The following HS2ST1 variants were observed in gnomAD, a reference collection of about 807,000 sequenced individuals.
HS2ST1 encodes heparan sulfate 2-O-sulfotransferase 1.
A neutral mutation model predicts 42.9 loss-of-function variants in HS2ST1; 18 were observed. That is an observed-to-expected ratio of 0.42 (90% CI 0.29 to 0.62). The LOEUF (loss-of-function observed/expected upper bound fraction) is 0.62. HS2ST1 is among the 20% of genes least tolerant of loss of function. HS2ST1 has a pLI of 0.21. For missense variants in HS2ST1, 334 were observed against 433.8 expected (o/e 0.77, Z 2.04); for synonymous variants, 146 against 152.9 (o/e 0.95, Z 0.33).
chr1:87,054,723 T>A (rs1165039100), intron 1 of HS2ST1, among the ~76,000 whole-genome samples: 1 of 152,208 alleles, frequency 6.6e-6, no homozygotes, highest in Non-Finnish European at 1.5e-5. Flanking sequence ...TAAGAAATGG[T>A]TGTGCTTTCT....
chr1:87,030,339 A>G (rs1224672786), intron 1 of HS2ST1, among the ~76,000 whole-genome samples: 1 of 152,198 alleles, frequency 6.6e-6, no homozygotes, highest in African/African-American at 2.4e-5. Context: ...CTCTACAAAA[A>G]GTGTAAAAAT....
chr1:87,001,449 T>G (rs958195811), intron 1 of HS2ST1, among the ~76,000 whole-genome samples: 13 of 152,210 alleles, frequency 8.5e-5, no homozygotes, highest in African/African-American at 2.9e-4. Flanking sequence ...TAATCTAAAT[T>G]TAATAAAACT....
At chr1:86,974,299 A>G (rs993015382) in intron 1 of HS2ST1, among the ~76,000 whole-genome samples, 3 of 152,088 alleles carry the variant, frequency 2.0e-5, no homozygotes, top group East Asian at 1.9e-4. Flanking sequence ...TACATGATGA[A>G]TGCTAAAAAT....
intron 4 of HS2ST1, among the ~76,000 whole-genome samples, chr1:87,095,408 G>C (rs763058919): frequency 2.6e-5 from 4 of 152,084 alleles, no homozygotes; most frequent in Non-Finnish European, 4.4e-5. Flanking sequence ...TTAAACTGAC[G>C]TACTCTAGTA....
rs1185828681 is a variant in HS2ST1 at position 86,962,440 on chromosome 1, C to T, written c.124+47280C>T. 2.0e-5 allele frequency among the ~76,000 whole-genome samples: 3 copies of T among 152,164 alleles called. No individual in the cohort carries two copies. In the East Asian group the frequency reaches 5.8e-4, roughly 29 times the overall value. ...CATGATTAAGCATAATCCTTACCCT[C>T]AAGGGTATATATGGAATTTTACTGT... On this transcript the variant is annotated intron_variant, in intron 1 of 6. Transcript: ENST00000370550.
chr1:87,037,037 C>G (rs1010941417), intron 1 of HS2ST1, among the ~76,000 whole-genome samples: 2 of 151,908 alleles, frequency 1.3e-5, no homozygotes, highest in Non-Finnish European at 2.9e-5. Flanking sequence ...TTTTCCTGTT[C>G]TAACGAAGTG....
chr1:87,046,343 C>T (rs1650665258), intron 1 of HS2ST1: 2 of 748,584 alleles, frequency 2.7e-6, no homozygotes, highest in Admixed American at 3.5e-5. Flanking sequence ...TACATTGCAT[C>T]TTTTGGGCAA....
intron 1 of HS2ST1, among the ~76,000 whole-genome samples, chr1:86,928,268 A>G (rs1660463744): frequency 6.6e-6 from 1 of 152,048 alleles, no homozygotes; most frequent in South Asian, 2.1e-4. Flanking sequence ...TATTTTAAAT[A>G]TAGGCAGGAA....
At chr1:87,002,609 CAAA>C (rs61052257) in intron 1 of HS2ST1, among the ~76,000 whole-genome samples, 4 of 98,266 alleles carry the variant, frequency 4.1e-5, no homozygotes, top group African/African-American at 3.3e-5. Flanking sequence ...GACTTTGTCT[CAAA>C]AAAAAAAAAA....
chr1:86,931,376 C>T (rs985695808), intron 1 of HS2ST1, among the ~76,000 whole-genome samples: 2 of 151,666 alleles, frequency 1.3e-5, no homozygotes, highest in Non-Finnish European at 2.9e-5. Flanking sequence ...ATTTTGTAGC[C>T]CATTTTTTTT....
intron 1 of HS2ST1, among the ~76,000 whole-genome samples, chr1:86,994,683 C>A (rs557602389): frequency 6.6e-6 from 1 of 151,814 alleles, no homozygotes; most frequent in Non-Finnish European, 1.5e-5. Flanking sequence ...GTGGTTAAGT[C>A]CAATTCTGGG....
chr1:87,044,138 G>T (rs2100607118), intron 1 of HS2ST1, among the ~76,000 whole-genome samples: 1 of 152,080 alleles, frequency 6.6e-6, no homozygotes, highest in African/African-American at 2.4e-5. Flanking sequence ...TTGTTATGTA[G>T]ATCTAGAAAA....
chr1:87,041,227 AAAAAAAAAAAAAAC>A (rs1381769771), intron 1 of HS2ST1, among the ~76,000 whole-genome samples: 13 of 23,770 alleles, frequency 5.5e-4, no homozygotes, highest in Non-Finnish European at 1.5e-3. Context: ...GTCTCTACTA[AAAAAAAAAAAAAAC>A]AAAAAAAAAA....
intron 1 of HS2ST1, among the ~76,000 whole-genome samples, chr1:87,024,084 G>A (rs960540846): frequency 2.6e-5 from 4 of 152,120 alleles, no homozygotes; most frequent in African/African-American, 9.7e-5. Flanking sequence ...ATACCAATAG[G>A]TATTAACAAT....
At chr1:87,013,524 G>A (rs1649663062) in intron 1 of HS2ST1, among the ~76,000 whole-genome samples, 1 of 152,210 alleles carries the variant, frequency 6.6e-6, no homozygotes, top group Admixed American at 6.5e-5. Context: ...GCCTGTGATG[G>A]GAGGGGCTGC....
At chr1:87,035,837 T>C (rs1650360320) in intron 1 of HS2ST1, among the ~76,000 whole-genome samples, 1 of 151,240 alleles carries the variant, frequency 6.6e-6, no homozygotes, top group African/African-American at 2.5e-5. Flanking sequence ...TAATTATTAC[T>C]ATACTCTAAG....
At chr1:87,084,690 C>T (rs1651772010) in intron 3 of HS2ST1, among the ~76,000 whole-genome samples, 1 of 152,106 alleles carries the variant, frequency 6.6e-6, no homozygotes, top group Middle Eastern at 3.2e-3. Flanking sequence ...GAAGTGTACA[C>T]TTTCCCTTGG....
At chr1:87,007,017 C>G (rs994816679) in intron 1 of HS2ST1, among the ~76,000 whole-genome samples, 3 of 151,986 alleles carry the variant, frequency 2.0e-5, no homozygotes, top group Non-Finnish European at 4.4e-5. Context: ...GTAATGCTGT[C>G]CATTGCAGTA....
chr1:86,968,616 G>C (rs1433720569), intron 1 of HS2ST1, among the ~76,000 whole-genome samples: 1 of 151,926 alleles, frequency 6.6e-6, no homozygotes, highest in South Asian at 2.1e-4. Flanking sequence ...TATTGCCCAG[G>C]CTGGTCTCGG....
Sources: gnomAD v4.1 joint callset for allele counts (sites outside exome capture counted in the v4.1 genomes callset) on GRCh38, gnomAD v4.1.1 for gene constraint, MANE v1.5 for transcripts, NCBI Gene and HGNC (gene_info 2026-07-23, HGNC 2026-07-21) for gene names.